Variants in CFLAR observed in about 807,000 individuals in gnomAD.
The protein encoded by CFLAR is CASP8 and FADD-like apoptosis regulator.
In CFLAR, 14 loss-of-function variants were observed where a neutral mutation model predicts 51.1. The observed-to-expected ratio is 0.27, with a 90% confidence interval of 0.18 to 0.43. The LOEUF (loss-of-function observed/expected upper bound fraction) is 0.43, where lower values mean the gene tolerates loss of function less well. Ranked by LOEUF, CFLAR falls within the 20% of genes least tolerant of loss-of-function variation. The probability of loss-of-function intolerance (pLI) is 1.00; values close to 1 mark genes in which losing one functional copy is unlikely to be tolerated. For missense variants in CFLAR, 390 were observed against 566.5 expected, an observed-to-expected ratio of 0.69 and a Z score of 3.16; for synonymous variants, 210 against 211.6, an observed-to-expected ratio of 0.99 and a Z score of 0.06.
rs560506483 is a variant in CFLAR at position 201,133,701 on chromosome 2, T to C, written c.387+567T>C. ...ATCCCAGCACTTTGGGGGGCCAAGG[T>C]GGGTGGATCACGAGGTCAGGAGATC... On this transcript the variant is annotated intron_variant, in intron 3 of 9. Transcript: ENST00000309955. Among the ~76,000 whole-genome samples, 10 of 151,752 alleles carry C rather than the reference T, an allele frequency of 6.6e-5. No homozygotes were observed. The East Asian group carries it at 1.6e-3, about 24-fold the overall frequency.
chr2:201,156,428 CTTA>C (rs1254762915), intron 8 of CFLAR, among the ~76,000 whole-genome samples: 1 of 152,220 alleles, frequency 6.6e-6, no homozygotes, highest in Non-Finnish European at 1.5e-5. Flanking sequence ...TAACACTGGG[CTTA>C]TTAAAGGTAC....
chr2:201,149,631 G>A, intron 7 of CFLAR, 123 bp from the exon 8 acceptor site: 1 of 664,656 alleles, frequency 1.5e-6, no homozygotes, highest in Non-Finnish European at 2.6e-6. Flanking sequence ...GAAACTTCAG[G>A]CTGTGTCTGT....
In CFLAR at chr2:201,160,730, G is replaced by C; in HGVS notation, c.1092G>C (p.Glu364Asp). 6.2e-7 allele frequency: 1 copy of C among 1,614,142 alleles called. No homozygotes were observed. The highest frequency in any genetic ancestry group is 8.5e-7 in the Non-Finnish European group (1 of 1,180,036). ...MFFIQNYVVS[E>D]GQLEDSSLLE... ...TTATTCAGAACTATGTGGTGTCAGAGGGCCAGCTGGAGGACAGCAGCCTCT... is the reference window on the plus strand; with the variant it reads ...TTATTCAGAACTATGTGGTGTCAGACGGCCAGCTGGAGGACAGCAGCCTCT... The change falls in exon 9 of 10, where the codon GAG (glutamate) becomes GAC (aspartate). Residue 364 changes from glutamate to aspartate, a missense_variant. Physicochemically the swap from Glu to Asp is conservative, Grantham distance 45 (BLOSUM62 2). Coordinates refer to ENST00000309955, the MANE Select transcript of CFLAR (RefSeq NM_003879.7).
intron 1 of CFLAR, among the ~76,000 whole-genome samples, chr2:201,121,059 A>G (rs962026175): frequency 6.6e-6 from 1 of 152,212 alleles, no homozygotes; most frequent in Non-Finnish European, 1.5e-5. Context: ...GTTGGAAAAC[A>G]TAGAAGCAGC....
At chr2:201,157,196 T>C (rs1436972383) in intron 8 of CFLAR, among the ~76,000 whole-genome samples, 1 of 152,248 alleles carries the variant, frequency 6.6e-6, no homozygotes, top group Non-Finnish European at 1.5e-5. Context: ...TCACCCAGGC[T>C]GGAGTGCAGT....
At chr2:201,133,948 A>T (rs1013093062) in intron 3 of CFLAR, among the ~76,000 whole-genome samples, 1 of 150,854 alleles carries the variant, frequency 6.6e-6, no homozygotes, top group African/African-American at 2.4e-5. Context: ...AAAAAAAAAA[A>T]AAAATGAAGA....
At chr2:201,144,799 G>C (rs1939762226) in intron 5 of CFLAR, among the ~76,000 whole-genome samples, 2 of 152,038 alleles carry the variant, frequency 1.3e-5, no homozygotes, top group Non-Finnish European at 2.9e-5. Flanking sequence ...ATTTTATTGG[G>C]CTGTTTTGAA....
chr2:201,138,879 G>A lies in CFLAR; in HGVS notation c.524-1478G>A. On this transcript the variant is annotated intron_variant, in intron 4 of 9. Transcript: ENST00000309955. This position sits in a 1 kb window ranked among gnomAD's most constrained non-coding sequence, Gnocchi z 4.0. ...GGAGGAGATCAGCGGCGTCTTCAGAGTGACCATTGGGTCAGGGCTGAGGTC... is the reference window on the plus strand; with the variant it reads ...GGAGGAGATCAGCGGCGTCTTCAGAATGACCATTGGGTCAGGGCTGAGGTC... 1.4e-6 allele frequency: 1 copy of A among 699,866 alleles called. No individual in the cohort carries two copies. The highest frequency in any genetic ancestry group is 4.1e-4 in the Middle Eastern group (1 of 2,448). 43.4% of individuals were successfully genotyped at this position (699,866 alleles called of 1,614,324 possible).
intron 9 of CFLAR, among the ~76,000 whole-genome samples, chr2:201,161,958 G>A (rs1246843523): frequency 6.6e-6 from 1 of 151,874 alleles, no homozygotes; most frequent in Non-Finnish European, 1.5e-5. Context: ...ATGTTGGCCA[G>A]GCTGGTCTGC....
At chr2:201,149,335 A>G (rs957817763) in intron 7 of CFLAR, 1 of 326,872 alleles carries the variant, frequency 3.1e-6, no homozygotes, top group Non-Finnish European at 5.7e-6. Context: ...ACTTCCCTGA[A>G]CTTTGGCTTG....
At position 201,118,755 on chromosome 2, in the gene CFLAR, T is replaced by A. The variant is rs2047868892; in HGVS notation, c.-138+2274T>A. On this transcript the variant is annotated intron_variant, in intron 1 of 9. Coordinates refer to ENST00000309955, the MANE Select transcript of CFLAR (RefSeq NM_003879.7). This position sits in a 1 kb window ranked among gnomAD's most constrained non-coding sequence, Gnocchi z 5.1. ...GCCCTCCGGCGAAGCCACCTGTTGA[T>A]GCTTTTGACTTTCTGTCCTTGTTCC... 6.6e-6 allele frequency: 1 copy of A among 152,434 alleles called. No homozygotes were observed. The highest frequency in any genetic ancestry group is 1.5e-5 in the Non-Finnish European group (1 of 68,184). 9.4% of individuals were successfully genotyped at this position (152,434 alleles called of 1,614,324 possible).
At chr2:201,161,356 G>C (rs1002222364) in intron 9 of CFLAR, among the ~76,000 whole-genome samples, 2 of 151,992 alleles carry the variant, frequency 1.3e-5, no homozygotes, top group Admixed American at 1.3e-4. Flanking sequence ...GAGCAACAGA[G>C]GGAGACCTTG....
rs1218923726 is a variant in CFLAR at position 201,176,293 on chromosome 2, G to A, written c.*12320G>A. 4.0e-5 allele frequency: 4 copies of A among 100,498 alleles called. No homozygotes were observed. The highest frequency in any genetic ancestry group is 6.0e-5 in the Non-Finnish European group (3 of 50,184). The allele number at this position is 100,498 out of a possible 1,614,324, so 6.2% of individuals were successfully genotyped here. The stretch of plus-strand genomic sequence containing the variant: ...TTTTCTATTGCGGGGGGGGGGGGCG[G>A]GCGGGGGAGCTGCCTGTCCCTGGCA... On this transcript the variant is annotated 3_prime_UTR_variant, in exon 10 of 10. Transcript: ENST00000309955.
Position 201,134,669 on chromosome 2 carries a change from A to AATAAAATAAAAAAAT in CFLAR, c.388-1292_388-1291insAAATATAAAATAAAA, listed in dbSNP as rs1227004348. 2.1e-3 allele frequency among the ~76,000 whole-genome samples: 313 copies of AATAAAATAAAAAAAT among 150,936 alleles called. 2 individuals are homozygous for AATAAAATAAAAAAAT. Among genetic ancestry groups the AATAAAATAAAAAAAT allele is most frequent in the African/African-American group, 7.3e-3 (301 of 41,344 alleles). On this transcript the variant is annotated intron_variant, in intron 3 of 9. Transcript: ENST00000309955. The stretch of plus-strand genomic sequence containing the variant: ...AATAAAATAAAATAAAATAAAATAA[A>AATAAAATAAAAAAAT]ATAAAATAAAATAAAAAAATATAAA...
Position 201,118,072 on chromosome 2 carries a change from C to A in CFLAR, c.-138+1591C>A, listed in dbSNP as rs1395394883. On this transcript the variant is annotated intron_variant, in intron 1 of 9. Coordinates refer to ENST00000309955, the MANE Select transcript of CFLAR (RefSeq NM_003879.7). This position sits in a 1 kb window ranked among gnomAD's most constrained non-coding sequence, Gnocchi z 5.1. ...GCCCGGCCCAACTCCAAGATCTAAA[C>A]AAAAAAGACTGGGTTGAAAGGGAGT... 1.3e-5 allele frequency among the ~76,000 whole-genome samples: 2 copies of A among 152,108 alleles called. No homozygotes were observed. Among genetic ancestry groups the A allele is most frequent in the Non-Finnish European group, 2.9e-5 (2 of 67,990 alleles).
At chr2:201,132,220 T>C (rs1201307871) in intron 2 of CFLAR, among the ~76,000 whole-genome samples, 4 of 151,952 alleles carry the variant, frequency 2.6e-5, no homozygotes, top group African/African-American at 9.7e-5. Flanking sequence ...ATTCATCTGG[T>C]GAGTGGGCTT....
At chr2:201,156,800 T>G (rs1942255301) in intron 8 of CFLAR, among the ~76,000 whole-genome samples, 1 of 149,002 alleles carries the variant, frequency 6.7e-6, no homozygotes, top group Admixed American at 6.7e-5. Flanking sequence ...GAGTGTGGGA[T>G]TTCCAGGGTG....
At chr2:201,122,836 C>T (rs1183942138) in intron 1 of CFLAR, 2 of 152,180 alleles carry the variant, frequency 1.3e-5, no homozygotes, top group Non-Finnish European at 2.9e-5. Flanking sequence ...GTCCAGGGAA[C>T]ATTGAGATAT....
chr2:201,136,436 GC>G lies in CFLAR; in HGVS notation c.523+331del, dbSNP rs781578280. On this transcript the variant is annotated intron_variant, in intron 4 of 9. Coordinates refer to ENST00000309955, the MANE Select transcript of CFLAR (RefSeq NM_003879.7). ...TTTTGCATGTATGCTGAACCCTACT[GC>G]CTTGCTCTGGTATTTGGCCTCACAA... is the stretch of plus-strand genomic sequence containing the variant. The G allele has an allele frequency of 5.0e-6, 8 of 1,598,144 alleles. No individual in the cohort carries two copies. The East Asian group carries it at 1.8e-4, about 36-fold the overall frequency.
Sources: allele counts gnomAD v4.1 joint callset (sites outside exome capture counted in the v4.1 genomes callset), GRCh38; gene constraint gnomAD v4.1.1; non-coding constraint Gnocchi (gnomAD v3.1); transcripts MANE v1.5; gene names NCBI Gene and HGNC (gene_info 2026-07-23, HGNC 2026-07-21).